The following NBAS variants were observed in gnomAD, a reference collection of about 807,000 sequenced individuals.
The protein encoded by NBAS is NBAS subunit of NRZ tethering complex.
Under a neutral mutation model 302.5 loss-of-function variants are expected in NBAS, and 219 were observed. The observed-to-expected ratio is 0.72, with a 90% CI of 0.65 to 0.81. The LOEUF (loss-of-function observed/expected upper bound fraction) is 0.81, where lower values mean the gene tolerates loss of function less well. Ranked by LOEUF, NBAS falls within the 30% of genes least tolerant of loss-of-function variation. The probability of loss-of-function intolerance (pLI) is 0.00; values close to 1 mark genes in which losing one functional copy is unlikely to be tolerated. For missense variants in NBAS, 2,932 were observed against 2,841.6 expected, an observed-to-expected ratio of 1.03 and a Z score of -0.72; for synonymous variants, 1,118 against 1,021.6, an observed-to-expected ratio of 1.09 and a Z score of -1.80.
At chr2:15,340,036 G>C (rs865827963) in intron 35 of NBAS, among the ~76,000 whole-genome samples, 7 of 152,256 alleles carry the variant, frequency 4.6e-5, no homozygotes, top group Middle Eastern at 3.4e-3. Context: ...CTTAACAGTG[G>C]AGAAAAGAGA....
intron 33 of NBAS, among the ~76,000 whole-genome samples, chr2:15,356,092 C>T (rs1673604758): frequency 6.6e-6 from 1 of 152,156 alleles, no homozygotes; most frequent in South Asian, 2.1e-4. Context: ...CAACCAAAAT[C>T]TCAAATAAAA....
At chr2:15,259,324 A>T (rs1668747894) in intron 44 of NBAS, among the ~76,000 whole-genome samples, 1 of 152,066 alleles carries the variant, frequency 6.6e-6, no homozygotes, top group Non-Finnish European at 1.5e-5. Context: ...CTCCATCCAA[A>T]CCCCTGCATT....
the NBAS span, among the ~76,000 whole-genome samples, chr2:15,138,978 A>AT: frequency 2.6e-5 from 4 of 152,018 alleles, no homozygotes; most frequent in African/African-American, 7.2e-5. Context: ...TGTCAAACAC[A>AT]TTTTTTTTAC....
At chr2:15,206,891 C>T (rs1047132206) in intron 48 of NBAS, among the ~76,000 whole-genome samples, 3 of 152,178 alleles carry the variant, frequency 2.0e-5, no homozygotes, top group Non-Finnish European at 4.4e-5. Context: ...GGTTGCAGCC[C>T]TCATGGAGAA....
the NBAS span, among the ~76,000 whole-genome samples, chr2:15,080,053 C>CA: frequency 7.2e-5 from 11 of 152,086 alleles, no homozygotes. Context: ...TATGAGAAGG[C>CA]AAAGGAGAAC....
chr2:15,201,119 C>T (rs1665856877), intron 48 of NBAS, among the ~76,000 whole-genome samples: 1 of 152,112 alleles, frequency 6.6e-6, no homozygotes, highest in African/African-American at 2.4e-5. Flanking sequence ...TAGTAATCAC[C>T]ATACTCTTAT....
At chr2:15,382,685 G>A (rs773054016) in intron 29 of NBAS, among the ~76,000 whole-genome samples, 1 of 152,142 alleles carries the variant, frequency 6.6e-6, no homozygotes, top group Non-Finnish European at 1.5e-5. Flanking sequence ...AAGAGGTGAG[G>A]GAGCTGGCAT....
At chr2:15,549,287 T>A (rs1347735900) in intron 6 of NBAS, among the ~76,000 whole-genome samples, 1 of 152,144 alleles carries the variant, frequency 6.6e-6, no homozygotes, top group Non-Finnish European at 1.5e-5. Flanking sequence ...TTTTTAATGA[T>A]CAATTTGCCA....
chr2:15,498,667 G>A (rs751798725), intron 11 of NBAS, among the ~76,000 whole-genome samples: 7 of 152,206 alleles, frequency 4.6e-5, no homozygotes, highest in South Asian at 2.1e-4. Flanking sequence ...CCATGGGGGC[G>A]GATTTCCCTT....
chr2:15,418,845 T>C (rs916995249), intron 23 of NBAS, among the ~76,000 whole-genome samples: 3 of 152,206 alleles, frequency 2.0e-5, no homozygotes, highest in African/African-American at 7.2e-5. Flanking sequence ...GGATCATGAA[T>C]GCTGTGTGTC....
chr2:15,315,797 C>A (rs773778929), intron 38 of NBAS, among the ~76,000 whole-genome samples: 1 of 152,160 alleles, frequency 6.6e-6, no homozygotes, highest in Non-Finnish European at 1.5e-5. Context: ...TATAATGTGC[C>A]TAGCCCAGGG....
At chr2:15,007,352 TCAA>T in the NBAS span, among the ~76,000 whole-genome samples, 2 of 152,220 alleles carry the variant, frequency 1.3e-5, no homozygotes, top group African/African-American at 4.8e-5. Flanking sequence ...GCCAATTCTA[TCAA>T]TGTTTTTGAT....
intron 11 of NBAS, among the ~76,000 whole-genome samples, chr2:15,490,026 G>A (rs1167423261): frequency 6.6e-6 from 1 of 152,166 alleles, no homozygotes; most frequent in Non-Finnish European, 1.5e-5. Flanking sequence ...GGTAGCAGAT[G>A]ACCTCTTAGA....
chr2:14,817,209 G>C, the NBAS span, among the ~76,000 whole-genome samples: 1 of 152,134 alleles, frequency 6.6e-6, no homozygotes, highest in African/African-American at 2.4e-5. Flanking sequence ...GAATTTCTCC[G>C]CCTTGTAACT....
chr2:15,289,346 C>T (rs1670199155), intron 41 of NBAS, among the ~76,000 whole-genome samples: 1 of 152,198 alleles, frequency 6.6e-6, no homozygotes, highest in South Asian at 2.1e-4. Context: ...AAGCATTCCT[C>T]TCACCTTGGC....
chr2:15,228,074 T>C (rs1035072607), intron 47 of NBAS, among the ~76,000 whole-genome samples: 1 of 152,164 alleles, frequency 6.6e-6, no homozygotes, highest in Non-Finnish European at 1.5e-5. Context: ...GGAGAAACTA[T>C]TTGTAAACTA....
the NBAS span, among the ~76,000 whole-genome samples, chr2:14,925,104 T>C: frequency 0.077 from 11,749 of 152,264 alleles, 520 homozygotes; most frequent in East Asian, 0.15. Flanking sequence ...CCAAGGAATT[T>C]TCACAAAGGT....
At chr2:14,937,496 T>A in the NBAS span, among the ~76,000 whole-genome samples, 1 of 152,188 alleles carries the variant, frequency 6.6e-6, no homozygotes, top group African/African-American at 2.4e-5. Flanking sequence ...GCATGTGTCC[T>A]ACTTGCACTG....
the NBAS span, among the ~76,000 whole-genome samples, chr2:14,816,478 G>A: frequency 6.6e-6 from 1 of 152,216 alleles, no homozygotes; most frequent in South Asian, 2.1e-4. Context: ...GTGCCAAAAA[G>A]GTTGGAGACT....
Sources: allele counts gnomAD v4.1 joint callset (sites outside exome capture counted in the v4.1 genomes callset), GRCh38; gene constraint gnomAD v4.1.1; transcripts MANE v1.5; gene names NCBI Gene and HGNC (gene_info 2026-07-23, HGNC 2026-07-21).